Variants in B3GALT1 observed in about 807,000 individuals in gnomAD.
The protein encoded by B3GALT1 is UDP-Gal:betaGlcNAc beta 1,3-galactosyltransferase, polypeptide 1.
Under a neutral mutation model 23.2 loss-of-function variants are expected in B3GALT1, and 10 were observed. The ratio of observed to expected loss-of-function variants is 0.43; its 90% confidence interval spans 0.27 to 0.73. The LOEUF is 0.73. B3GALT1 is among the 30% of genes least tolerant of loss of function. The pLI is 0.21. For missense variants in B3GALT1, 299 were observed against 405.4 expected (o/e 0.74, Z 2.25); for synonymous variants, 156 against 141.5 (o/e 1.10, Z -0.73).
intron 3 of B3GALT1, among the ~76,000 whole-genome samples, chr2:167,760,917 A>T (rs1322783640): frequency 6.6e-6 from 1 of 152,202 alleles, no homozygotes; most frequent in Non-Finnish European, 1.5e-5. Context: ...CATTTTTACT[A>T]TATGCACCGT....
At chr2:167,380,308 G>A (rs919275556) in intron 1 of B3GALT1, among the ~76,000 whole-genome samples, 1 of 152,174 alleles carries the variant, frequency 6.6e-6, no homozygotes, top group African/African-American at 2.4e-5. Context: ...AGGAGAACAG[G>A]GTGGGTCACC....
intron 1 of B3GALT1, among the ~76,000 whole-genome samples, chr2:167,403,203 T>C (rs1285637965): frequency 8.0e-6 from 1 of 125,398 alleles, no homozygotes; most frequent in Admixed American, 9.3e-5. Context: ...CCCCGGTGTG[T>C]GATGTTCCCC....
intron 1 of B3GALT1, among the ~76,000 whole-genome samples, chr2:167,334,101 CTA>C (rs571226338): frequency 6.6e-6 from 1 of 151,734 alleles, no homozygotes; most frequent in East Asian, 1.9e-4. Flanking sequence ...GAACATGATC[CTA>C]TATATATATT....
intron 4 of B3GALT1, among the ~76,000 whole-genome samples, chr2:167,844,204 T>C (rs995099315): frequency 6.6e-6 from 1 of 152,122 alleles, no homozygotes; most frequent in African/African-American, 2.4e-5. Context: ...CCCATATTAA[T>C]AAATGAAAAT....
intron 3 of B3GALT1, among the ~76,000 whole-genome samples, chr2:167,792,161 A>G (rs1688449867): frequency 6.6e-6 from 1 of 152,174 alleles, no homozygotes; most frequent in Non-Finnish European, 1.5e-5. Context: ...ATTATTAACT[A>G]AAGGTGAAGA....
chr2:167,624,998 A>G (rs1340027478), intron 2 of B3GALT1, among the ~76,000 whole-genome samples: 6 of 151,958 alleles, frequency 3.9e-5, no homozygotes, highest in Non-Finnish European at 7.4e-5. Context: ...TTCATTCCAT[A>G]AAGAATAGAG....
chr2:167,493,507 AT>A (rs1559113031), intron 2 of B3GALT1, among the ~76,000 whole-genome samples: 1 of 152,224 alleles, frequency 6.6e-6, no homozygotes, highest in African/African-American at 2.4e-5. Context: ...ATTTTGTGTG[AT>A]GATCAAAACT....
chr2:167,610,028 T>C (rs1685031337), intron 2 of B3GALT1, among the ~76,000 whole-genome samples: 1 of 152,066 alleles, frequency 6.6e-6, no homozygotes, highest in African/African-American at 2.4e-5. Context: ...AAAAAATATA[T>C]AGTGCTAAAC....
chr2:167,417,726 C>T (rs144230136), intron 1 of B3GALT1, among the ~76,000 whole-genome samples: 62 of 152,302 alleles, frequency 4.1e-4, no homozygotes, highest in African/African-American at 1.5e-3. Flanking sequence ...TATAATTTCA[C>T]TTCACCCATC....
intron 4 of B3GALT1, among the ~76,000 whole-genome samples, chr2:167,843,649 A>G (rs534077215): frequency 5.3e-5 from 8 of 152,284 alleles, no homozygotes; most frequent in South Asian, 4.1e-4. Context: ...CTGCCACCCT[A>G]AAGACCCCAG....
intron 3 of B3GALT1, among the ~76,000 whole-genome samples, chr2:167,741,166 C>G (rs1473604511): frequency 6.6e-6 from 1 of 152,140 alleles, no homozygotes. Context: ...GGCCAGATGA[C>G]ACCCCAGAAT....
At chr2:167,418,082 T>G (rs1433136601) in intron 1 of B3GALT1, among the ~76,000 whole-genome samples, 2 of 152,224 alleles carry the variant, frequency 1.3e-5, no homozygotes, top group African/African-American at 4.8e-5. Flanking sequence ...TGCATGTGAC[T>G]TTTTTGTTTT....
chr2:167,713,736 A>C (rs1038136993), intron 3 of B3GALT1: 2 of 1,568,720 alleles, frequency 1.3e-6, no homozygotes, highest in Admixed American at 1.7e-5. Context: ...ACTTGCTTCT[A>C]CCTTCAGAAT....
intron 2 of B3GALT1, among the ~76,000 whole-genome samples, chr2:167,588,826 C>CTTCCTTCCTTCCTTCT (rs1558916679): frequency 1.4e-5 from 2 of 141,410 alleles, no homozygotes; most frequent in Non-Finnish European, 1.5e-5. Flanking sequence ...TTTTTCCTTC[C>CTTCCTTCCTTCCTTCT]TTCCTTCCTT....
chr2:167,458,060 A>G (rs570033548), intron 1 of B3GALT1, among the ~76,000 whole-genome samples: 33 of 152,302 alleles, frequency 2.2e-4, no homozygotes, highest in Non-Finnish European at 4.3e-4. Context: ...TCACCATCCC[A>G]TCTCCATTAC....
intron 3 of B3GALT1, among the ~76,000 whole-genome samples, chr2:167,675,991 G>A (rs1017247649): frequency 6.6e-6 from 1 of 151,708 alleles, no homozygotes; most frequent in East Asian, 1.9e-4. Context: ...AAATGGTACC[G>A]AGGATGTTGA....
chr2:167,821,527 T>C (rs836698), intron 4 of B3GALT1, among the ~76,000 whole-genome samples: 40,400 of 149,718 alleles, frequency 0.27, 5,893 homozygotes, highest in East Asian at 0.57. Context: ...CTCTGCCTCC[T>C]GGGTTCAAGT....
chr2:167,351,268 CA>C (rs890751165), intron 1 of B3GALT1, among the ~76,000 whole-genome samples: 2,660 of 64,194 alleles, frequency 0.041, 53 homozygotes, highest in East Asian at 0.12. Context: ...GACTCCGTCT[CA>C]AAAAAAAAAA....
chr2:167,679,759 G>A (rs1574209059), intron 3 of B3GALT1, among the ~76,000 whole-genome samples: 1 of 152,186 alleles, frequency 6.6e-6, no homozygotes, highest in Non-Finnish European at 1.5e-5. Flanking sequence ...AATTTTAATA[G>A]TCTCTACCTC....
Sources: gnomAD v4.1 joint callset for allele counts (sites outside exome capture counted in the v4.1 genomes callset) on GRCh38, gnomAD v4.1.1 for gene constraint, MANE v1.5 for transcripts, NCBI Gene and HGNC (gene_info 2026-07-23, HGNC 2026-07-21) for gene names.